The following COPE variants were observed in gnomAD, a reference collection of about 807,000 sequenced individuals.
COPE encodes coatomer subunit epsilon.
In COPE, 19 loss-of-function variants were observed where a neutral mutation model predicts 42.1. The ratio of observed to expected loss-of-function variants is 0.45; its 90% confidence interval spans 0.31 to 0.66. COPE has a LOEUF of 0.66. Among genes scored for constraint, COPE ranks in the 30% least tolerant of loss-of-function variants. COPE has a pLI of 0.05. For synonymous variants in COPE, 195 were observed against 181.3 expected (o/e 1.08, Z -0.60); for missense variants, 402 against 416.1 (o/e 0.97, Z 0.30).
In COPE at chr19:18,903,267, C is replaced by T; in HGVS notation, c.735+1G>A. ...CCACTCTGGGACAGGCTTGTGCCTA[C>T]CTTGTCTAGCGCCTCCTGCAGCAGG... is the stretch of plus-strand genomic sequence containing the variant. On this transcript the variant is annotated splice_donor_variant, in intron 7 of 9. Transcript: ENST00000262812. LOFTEE classifies it high-confidence loss of function. 2 of 1,585,474 alleles carry T rather than the reference C, an allele frequency of 1.3e-6. No homozygotes were observed. Among genetic ancestry groups the T allele is most frequent in the Non-Finnish European group, 1.7e-6 (2 of 1,166,114 alleles).
intron 6 of COPE, 55 bp from the exon 7 acceptor site, chr19:18,903,478 C>T (rs889002045): frequency 1.6e-5 from 25 of 1,541,422 alleles, no homozygotes; most frequent in East Asian, 7.1e-5. Context: ...GCCCTTCCCC[C>T]GCCAGCCCCC....
Position 18,900,318 on chromosome 19 carries a change from C to A in COPE, c.804+63G>T, listed in dbSNP as rs2056685783. 5 of 1,374,720 alleles carry A rather than the reference C, an allele frequency of 3.6e-6. No individual in the cohort carries two copies. The Admixed American group carries it at 1.2e-4, about 32-fold the overall frequency. 85.2% of individuals were successfully genotyped at this position (1,374,720 alleles called of 1,614,324 possible). A position where few individuals can be genotyped will look rare whatever the true frequency, so the allele number is the denominator to read the frequency against. ...AGGGGCCTAGGGATTAGGGCCTGGA[C>A]CCCAGGCTGGGGTCCCAGGGTCTGG... On this transcript the variant is annotated intron_variant, in intron 8 of 9. Transcript: ENST00000262812.
At chr19:18,911,880 C>T (rs1441647085) in intron 2 of COPE, among the ~76,000 whole-genome samples, 3 of 130,416 alleles carry the variant, frequency 2.3e-5, no homozygotes, top group Non-Finnish European at 3.2e-5. Flanking sequence ...GATGGAGTTT[C>T]GCTCTTGGTG....
intron 7 of COPE, among the ~76,000 whole-genome samples, chr19:18,902,546 T>C (rs1458981627): frequency 6.8e-6 from 1 of 147,888 alleles, no homozygotes; most frequent in South Asian, 2.1e-4. Flanking sequence ...CCGCCTGTAA[T>C]CCCAGCTACT....
intron 3 of COPE, chr19:18,910,766 T>C (rs938968500): frequency 1.2e-5 from 7 of 598,912 alleles, no homozygotes; most frequent in Non-Finnish European, 2.1e-5. Context: ...ACCCTCCCCT[T>C]TGAAGCAGGA....
At chr19:18,912,462 A>G (rs77278404) in intron 2 of COPE, among the ~76,000 whole-genome samples, 30 of 104,300 alleles carry the variant, frequency 2.9e-4, no homozygotes, top group Non-Finnish European at 5.0e-4. Flanking sequence ...TTATTTTAGG[A>G]AAAAAAAAAA....
intron 7 of COPE, among the ~76,000 whole-genome samples, chr19:18,902,613 T>C (rs1272131585): frequency 1.5e-5 from 2 of 131,028 alleles, no homozygotes; most frequent in African/African-American, 6.0e-5. Context: ...TGCATTGAGC[T>C]GAGATCACAC....
intron 1 of COPE, among the ~76,000 whole-genome samples, chr19:18,918,977 C>T (rs752024179): frequency 1.3e-5 from 2 of 152,256 alleles, no homozygotes; most frequent in Non-Finnish European, 2.9e-5. Flanking sequence ...GCATAAACAC[C>T]TCCCTTACTC....
At chr19:18,917,239 TTC>T (rs1402044304) in intron 1 of COPE, among the ~76,000 whole-genome samples, 3 of 126,872 alleles carry the variant, frequency 2.4e-5, no homozygotes, top group Non-Finnish European at 3.6e-5. Context: ...CATTCTTTTT[TTC>T]TTTTTTTTTT....
chr19:18,918,344 T>A (rs2056877276), intron 1 of COPE, among the ~76,000 whole-genome samples: 1 of 150,520 alleles, frequency 6.6e-6, no homozygotes, highest in South Asian at 2.1e-4. Flanking sequence ...AAACTCTTAG[T>A]CTGTAAAAGA....
intron 3 of COPE, among the ~76,000 whole-genome samples, chr19:18,907,915 A>G (rs1384863570): frequency 1.3e-5 from 2 of 152,130 alleles, no homozygotes; most frequent in Non-Finnish European, 1.5e-5. Context: ...ACCAGGCTCC[A>G]CTGAGGGCTC....
At position 18,911,376 on chromosome 19, in the gene COPE, G is replaced by C. The variant is rs1210366020; in HGVS notation, c.190-305C>G. 3.1e-5 allele frequency: 12 copies of C among 386,318 alleles called. No homozygotes were observed. In the East Asian group the frequency reaches 5.7e-4, roughly 18 times the overall value. The allele number at this position is 386,318 out of a possible 1,614,324, so 23.9% of individuals were successfully genotyped here. A position where few individuals can be genotyped will look rare whatever the true frequency, so the allele number is the denominator to read the frequency against. Reference sequence around the variant, plus strand: ...TGGTGAGGTGAAGGGCGTGTCACCTGGGGGCAGGGCAGCAGCAGTTATGGG... The same window carrying C: ...TGGTGAGGTGAAGGGCGTGTCACCTCGGGGCAGGGCAGCAGCAGTTATGGG... On this transcript the variant is annotated intron_variant, in intron 2 of 9. Transcript: ENST00000262812.
rs1204992185 is a variant in COPE, at chr19:18,912,004, C to T, written c.190-933G>A. On this transcript the variant is annotated intron_variant, in intron 2 of 9. Coordinates refer to ENST00000262812, the MANE Select transcript of COPE (RefSeq NM_007263.4). ...TAGCTGGGATTACAGGCATGCACCA[C>T]CACACCTGGCTAATTCTGTATTTTT... 8.5e-5 allele frequency among the ~76,000 whole-genome samples: 13 copies of T among 152,248 alleles called. No individual in the cohort carries two copies. The South Asian group carries it at 2.7e-3, about 32-fold the overall frequency.
chr19:18,904,877 G>A, intron 5 of COPE, 25 bp from the exon 6 acceptor site: 1 of 1,550,348 alleles, frequency 6.5e-7, no homozygotes. Context: ...GATGACAGAG[G>A]GGCTGAGTGG....
rs762015054 is a variant in COPE, at chr19:18,919,375, T to C, written c.-27A>G. On this transcript the variant is annotated 5_prime_UTR_variant, in exon 1 of 10. Transcript: ENST00000262812. ...TCGCTGTCTTCTCACCAGCTCCTCT[T>C]CCTGAAAGACACGTCAGCCGGAAGC... 1.2e-5 allele frequency: 19 copies of C among 1,607,610 alleles called. No individual in the cohort carries two copies. Among genetic ancestry groups the C allele is most frequent in the Non-Finnish European group, 1.3e-5 (15 of 1,177,120 alleles).
Position 18,899,878 on chromosome 19 carries a change from C to A in COPE, c.874G>T (p.Ala292Ser). 1.2e-6 allele frequency: 2 copies of A among 1,613,388 alleles called. No individual in the cohort carries two copies. Among genetic ancestry groups the A allele is most frequent in the Middle Eastern group, 1.7e-4 (1 of 6,052 alleles). The change falls in exon 9 of 10, where the codon GCC becomes TCC. Residue 292 changes from alanine to serine, a missense_variant. Transcript: ENST00000262812. ...AGGCCATCCCCACCACTCACCTTGG[C>A]CTGGTACTCCTTGATGAAGGGATGG... Reference protein sequence around the residue: ...RSHPFIKEYQAKENDFDRLVL... With the variant: ...RSHPFIKEYQSKENDFDRLVL...
intron 1 of COPE, among the ~76,000 whole-genome samples, chr19:18,914,583 G>A (rs1389619332): frequency 6.6e-6 from 1 of 151,302 alleles, no homozygotes; most frequent in Admixed American, 6.6e-5. Flanking sequence ...CTTCTGAGGT[G>A]GACTTCAGTT....
At chr19:18,904,976 A>G (rs2056744934) in intron 5 of COPE, 124 bp from the exon 6 acceptor site, 2 of 937,324 alleles carry the variant, frequency 2.1e-6, no homozygotes, top group Non-Finnish European at 3.3e-6. Flanking sequence ...GCTCCACTGC[A>G]TGCTCATACC....
chr19:18,917,810 C>A (rs1319255475), intron 1 of COPE, among the ~76,000 whole-genome samples: 2 of 152,092 alleles, frequency 1.3e-5, no homozygotes, highest in Admixed American at 6.6e-5. Context: ...AAACAGTGGG[C>A]CTTAATAAGC....
Sources: gnomAD v4.1 joint callset for allele counts (sites outside exome capture counted in the v4.1 genomes callset) on GRCh38, gnomAD v4.1.1 for gene constraint, MANE v1.5 for transcripts, NCBI Gene and HGNC (gene_info 2026-07-23, HGNC 2026-07-21) for gene names.